FOCAD: variants seen among roughly 807,000 people sequenced by gnomAD.
FOCAD encodes KIAA1797.
In FOCAD, 198 loss-of-function variants were observed where a neutral mutation model predicts 225.6. The observed-to-expected ratio is 0.88, with a 90% CI of 0.78 to 0.99. The LOEUF (loss-of-function observed/expected upper bound fraction) is 0.99. Ranked by LOEUF, FOCAD falls within the 50% of genes least tolerant of loss-of-function variation. The pLI, the probability that FOCAD is intolerant of heterozygous loss-of-function variation, is 0.00. For synonymous variants in FOCAD, 897 were observed against 755.0 expected, an observed-to-expected ratio of 1.19 and a Z score of -3.08; for missense variants, 2,713 against 2,123.6, an observed-to-expected ratio of 1.28 and a Z score of -5.46.
At chr9:20,850,278 C>A (rs1375153531) in intron 15 of FOCAD, among the ~76,000 whole-genome samples, 1 of 151,468 alleles carries the variant, frequency 6.6e-6, no homozygotes, top group African/African-American at 2.4e-5. Flanking sequence ...AATACAATTT[C>A]TTTTTCAAAA....
chr9:20,714,111 C>G (rs116686166), intron 1 of FOCAD, among the ~76,000 whole-genome samples: 2,159 of 152,052 alleles, frequency 0.014, 55 homozygotes, highest in African/African-American at 0.046. Context: ...CTGAAATGCT[C>G]GGGACCAGAA....
At chr9:20,994,017 A>G (rs1277458455) in intron 43 of FOCAD, among the ~76,000 whole-genome samples, 4 of 152,212 alleles carry the variant, frequency 2.6e-5, no homozygotes, top group African/African-American at 9.7e-5. Context: ...GTGTTGTCTT[A>G]CATATTTATA....
intron 21 of FOCAD, among the ~76,000 whole-genome samples, chr9:20,900,913 G>C (rs1428338568): frequency 1.3e-5 from 2 of 151,832 alleles, no homozygotes; most frequent in East Asian, 3.9e-4. Context: ...GGGAAAGAGG[G>C]AAGGAAGGAG....
intron 2 of FOCAD, among the ~76,000 whole-genome samples, chr9:20,675,956 C>T (rs917659119): frequency 1.4e-4 from 21 of 152,178 alleles, no homozygotes; most frequent in African/African-American, 4.6e-4. Flanking sequence ...GAATCGTCTG[C>T]GTAGAACAAC....
intron 5 of FOCAD, among the ~76,000 whole-genome samples, chr9:20,756,747 G>C (rs1186543233): frequency 6.6e-6 from 1 of 152,154 alleles, no homozygotes; most frequent in Non-Finnish European, 1.5e-5. Context: ...CACATTTTGA[G>C]AATCACCATG....
chr9:20,710,928 A>G (rs935040872), intron 1 of FOCAD, among the ~76,000 whole-genome samples: 2 of 152,216 alleles, frequency 1.3e-5, no homozygotes, highest in Non-Finnish European at 2.9e-5. Context: ...TGGGCCACCC[A>G]CTTCTTTTTG....
intron 11 of FOCAD, among the ~76,000 whole-genome samples, chr9:20,819,189 A>G (rs548030452): frequency 6.6e-6 from 1 of 152,144 alleles, no homozygotes; most frequent in East Asian, 1.9e-4. Context: ...GTTCATTAGA[A>G]CTTTACATTT....
intron 28 of FOCAD, among the ~76,000 whole-genome samples, chr9:20,943,921 T>C (rs912056480): frequency 6.6e-6 from 1 of 152,246 alleles, no homozygotes; most frequent in Non-Finnish European, 1.5e-5. Flanking sequence ...TGGATATGTA[T>C]TCATTCAGGA....
chr9:20,682,800 T>A (rs1394329482), upstream of FOCAD, among the ~76,000 whole-genome samples: 1 of 152,134 alleles, frequency 6.6e-6, no homozygotes, highest in Admixed American at 6.5e-5. Flanking sequence ...ATTGTGACAG[T>A]CTCACTCCAT....
chr9:20,958,603 A>G (rs1175227568), intron 35 of FOCAD, among the ~76,000 whole-genome samples: 3 of 152,088 alleles, frequency 2.0e-5, no homozygotes, highest in African/African-American at 7.2e-5. Flanking sequence ...TACTCACCCT[A>G]CAGTAGTATA....
At chr9:20,941,249 A>G (rs970531625) in intron 28 of FOCAD, among the ~76,000 whole-genome samples, 6 of 152,152 alleles carry the variant, frequency 3.9e-5, no homozygotes, top group East Asian at 1.9e-4. Context: ...TCGTGAGCCT[A>G]TCACTAAGAT....
At chr9:20,811,667 AT>A (rs1339361335) in intron 11 of FOCAD, among the ~76,000 whole-genome samples, 1 of 152,052 alleles carries the variant, frequency 6.6e-6, no homozygotes, top group Non-Finnish European at 1.5e-5. Context: ...ATGCCTGCAA[AT>A]TCCTTATAAG....
At chr9:20,778,567 G>A in intron 8 of FOCAD, 114 bp from the exon 9 acceptor site, 1 of 595,440 alleles carries the variant, frequency 1.7e-6, no homozygotes, top group South Asian at 2.3e-5. Flanking sequence ...AAATAAATTT[G>A]TGTAATAGGC....
At chr9:20,765,435 A>G (rs564982418) in intron 7 of FOCAD, among the ~76,000 whole-genome samples, 2 of 151,928 alleles carry the variant, frequency 1.3e-5, no homozygotes, top group South Asian at 4.2e-4. Context: ...CTCTGTGCAC[A>G]TTGGAAAAAA....
intron 11 of FOCAD, among the ~76,000 whole-genome samples, chr9:20,812,662 G>C (rs532789066): frequency 2.7e-4 from 41 of 152,086 alleles, no homozygotes; most frequent in Admixed American, 3.3e-4. Flanking sequence ...GTTATAGATG[G>C]CTTGGAATCT....
At chr9:20,976,308 A>G (rs879124639) in intron 35 of FOCAD, 112 bp from the exon 36 acceptor site, 7 of 982,500 alleles carry the variant, frequency 7.1e-6, no homozygotes, top group East Asian at 2.5e-5. Context: ...TCGCAATTGA[A>G]TATGTGATAT....
chr9:20,903,398 C>T (rs901358691), intron 21 of FOCAD, among the ~76,000 whole-genome samples: 4 of 151,902 alleles, frequency 2.6e-5, no homozygotes, highest in Non-Finnish European at 5.9e-5. Context: ...GTTGACGTCG[C>T]GTCTGAGTAG....
At chr9:20,928,407 G>C (rs937344428) in intron 26 of FOCAD, among the ~76,000 whole-genome samples, 2 of 152,182 alleles carry the variant, frequency 1.3e-5, no homozygotes, top group African/African-American at 4.8e-5. Context: ...AAAGCTTAGA[G>C]AGCGAATGGG....
At chr9:20,796,938 T>C (rs1821178407) in intron 11 of FOCAD, among the ~76,000 whole-genome samples, 1 of 152,186 alleles carries the variant, frequency 6.6e-6, no homozygotes, top group Non-Finnish European at 1.5e-5. Flanking sequence ...CTAGGGTTTT[T>C]ATGGTTTTAG....
Sources: allele counts gnomAD v4.1 joint callset (sites outside exome capture counted in the v4.1 genomes callset), GRCh38; gene constraint gnomAD v4.1.1; transcripts MANE v1.5; gene names NCBI Gene and HGNC (gene_info 2026-07-23, HGNC 2026-07-21).